BMP2K: variants seen among roughly 807,000 people sequenced by gnomAD.
The protein encoded by BMP2K is BMP-2-inducible protein kinase.
A neutral mutation model predicts 116.0 loss-of-function variants in BMP2K; 74 were observed. The ratio of observed to expected loss-of-function variants is 0.64; its 90% CI spans 0.53 to 0.77. The LOEUF is 0.77. Among genes scored for constraint, BMP2K ranks in the 30% least tolerant of loss-of-function variants. The pLI is 0.00. For synonymous variants in BMP2K, 486 were observed against 502.5 expected, an observed-to-expected ratio of 0.97 and a Z score of 0.44; for missense variants, 1,365 against 1,403.6, an observed-to-expected ratio of 0.97 and a Z score of 0.44.
At chr4:78,782,238 T>A (rs1727537771) in intron 1 of BMP2K, among the ~76,000 whole-genome samples, 1 of 152,204 alleles carries the variant, frequency 6.6e-6, no homozygotes, top group South Asian at 2.1e-4. Context: ...CTATTTGCTT[T>A]TTTCCCTCTT....
Position 78,833,585 on chromosome 4 carries a change from G to A in BMP2K, c.301G>A (p.Glu101Lys), listed in dbSNP as rs772459543. 1.9e-6 allele frequency: 3 copies of A among 1,574,306 alleles called. No homozygotes were observed. Among genetic ancestry groups the A allele is most frequent in the East Asian group, 2.3e-5 (1 of 43,662 alleles). ...TCATTTTTTTTTTTCTTTCCAGAAA[G>A]AGCTATCTGGTCACAAAAATATTGT... ...VCKREITIMK[E>K]LSGHKNIVGY... The change falls in exon 3 of 16, where the codon GAG (glutamate) becomes AAG (lysine). Residue 101 changes from glutamate to lysine, a missense_variant. Physicochemically the swap from Glu to Lys is moderately conservative, Grantham distance 56. Around this residue, in one of 3 missense-constraint regions of BMP2K, gnomAD observed 762 missense variants for 756.7 expected, o/e 1.01. Coordinates refer to ENST00000502613, the MANE Select transcript of BMP2K (RefSeq NM_198892.2).
At position 78,871,881 on chromosome 4, in the gene BMP2K, T is replaced by C; in HGVS notation, c.1541T>C (p.Leu514Pro). The change falls in exon 12 of 16, where the codon CTT becomes CCT. Residue 514 changes from leucine (L) to proline (P), a missense_variant. Around this residue, in one of 3 missense-constraint regions of BMP2K, gnomAD observed 762 missense variants for 756.7 expected, o/e 1.01. Transcript: ENST00000502613. ...YQHATQQQQM[L>P]QQQFLMHSVY... ...CATGCAACACAGCAGCAACAGATGCTTCAACAACAATTTTTAATGCATTCG... is the reference window on the plus strand; with the variant it reads ...CATGCAACACAGCAGCAACAGATGCCTCAACAACAATTTTTAATGCATTCG... 1 of 1,613,200 alleles carries C rather than the reference T, an allele frequency of 6.2e-7. No homozygotes were observed. Among genetic ancestry groups the C allele is most frequent in the East Asian group, 2.2e-5 (1 of 44,768 alleles).
intron 2 of BMP2K, among the ~76,000 whole-genome samples, chr4:78,830,444 C>T (rs1013159315): frequency 1.3e-5 from 2 of 152,190 alleles, no homozygotes; most frequent in African/African-American, 4.8e-5. Flanking sequence ...TTGGTTTCAA[C>T]TTAAAGTCAC....
At chr4:78,840,788 G>T (rs1315023697) in intron 3 of BMP2K, among the ~76,000 whole-genome samples, 1 of 152,048 alleles carries the variant, frequency 6.6e-6, no homozygotes, top group African/African-American at 2.4e-5. Flanking sequence ...AAGGTCTCTG[G>T]ACAGAAGAAA....
intron 14 of BMP2K, among the ~76,000 whole-genome samples, chr4:78,884,635 C>T (rs1036842834): frequency 6.6e-6 from 1 of 152,210 alleles, no homozygotes; most frequent in Non-Finnish European, 1.5e-5. Context: ...CCTCTTTTCT[C>T]TGTCCTCAGT....
chr4:78,854,299 T>C (rs1346115473), intron 7 of BMP2K, among the ~76,000 whole-genome samples: 2 of 151,464 alleles, frequency 1.3e-5, no homozygotes, highest in Non-Finnish European at 2.9e-5. Flanking sequence ...TTTAAGACCA[T>C]GTCTCACTCT....
intron 1 of BMP2K, among the ~76,000 whole-genome samples, chr4:78,824,155 C>T (rs900043427): frequency 2.0e-5 from 3 of 152,088 alleles, no homozygotes; most frequent in African/African-American, 4.8e-5. Flanking sequence ...TAACACTATA[C>T]ATGTGGAAAT....
intron 15 of BMP2K, among the ~76,000 whole-genome samples, chr4:78,906,530 T>C (rs1560557218): frequency 6.6e-6 from 1 of 152,168 alleles, no homozygotes; most frequent in East Asian, 1.9e-4. Context: ...TTCTCAAATA[T>C]AGCTGTCTAA....
At chr4:78,781,219 A>G (rs1468146745) in intron 1 of BMP2K, among the ~76,000 whole-genome samples, 1 of 152,198 alleles carries the variant, frequency 6.6e-6, no homozygotes, top group African/African-American at 2.4e-5. Context: ...GGGCAGTGAC[A>G]TGCTCTGATT....
In BMP2K at chr4:78,861,473, G is replaced by A; in HGVS notation, c.1067+5G>A. ...GAAAAGCCAAATAAAAGCCAGGTAG[G>A]CAAAACTATGCTGAAATTGAAAAGG... On this transcript the variant is annotated splice_donor_5th_base_variant and intron_variant, in intron 9 of 15. Coordinates refer to ENST00000502613, the MANE Select transcript of BMP2K (RefSeq NM_198892.2). 6.3e-7 allele frequency: 1 copy of A among 1,598,016 alleles called. No individual in the cohort carries two copies. The highest frequency in any genetic ancestry group is 8.6e-7 in the Non-Finnish European group (1 of 1,168,198).
Position 78,872,726 on chromosome 4 carries a change from C to G in BMP2K, c.1721C>G (p.Ala574Gly), listed in dbSNP as rs767020611. The stretch of plus-strand genomic sequence containing the variant: ...ACCTCCCCTCAAGAGTTCTCACCAG[C>G]CTTAGTTTCCTACACTTCATCACTT... ...YLTSPQEFSP[A>G]LVSYTSSLPA... Residue 574 changes from alanine to glycine, a missense_variant, in exon 13 of 16, where the codon GCC becomes GGC. This residue lies in a region of BMP2K where 762 missense variants were observed against 756.7 expected (regional missense o/e 1.01). Transcript: ENST00000502613. The G allele has an allele frequency of 1.2e-6, 2 of 1,614,030 alleles. No individual in the cohort carries two copies. Among genetic ancestry groups the G allele is most frequent in the Non-Finnish European group, 1.7e-6 (2 of 1,180,006 alleles).
At chr4:78,897,428 G>T (rs1733760487) in intron 15 of BMP2K, among the ~76,000 whole-genome samples, 1 of 151,548 alleles carries the variant, frequency 6.6e-6, no homozygotes, top group Non-Finnish European at 1.5e-5. Context: ...GTACAAATGT[G>T]TCTCTGCTAT....
At chr4:78,896,643 CTA>C (rs1318967162) in intron 15 of BMP2K, among the ~76,000 whole-genome samples, 2 of 152,128 alleles carry the variant, frequency 1.3e-5, no homozygotes, top group East Asian at 3.8e-4. Context: ...AACTATGAGA[CTA>C]ATATGTCTAC....
intron 9 of BMP2K, among the ~76,000 whole-genome samples, chr4:78,863,174 T>C (rs547616414): frequency 5.4e-4 from 82 of 152,262 alleles, no homozygotes; most frequent in African/African-American, 1.9e-3. Flanking sequence ...GAACATTATG[T>C]ATATTAAAAA....
At chr4:78,835,950 G>A (rs1299764431) in intron 3 of BMP2K, among the ~76,000 whole-genome samples, 1 of 151,510 alleles carries the variant, frequency 6.6e-6, no homozygotes, top group Non-Finnish European at 1.5e-5. Context: ...TTTACTTCTA[G>A]TATAGATATT....
chr4:78,777,216 G>A (rs934608252), intron 1 of BMP2K, among the ~76,000 whole-genome samples: 3 of 152,170 alleles, frequency 2.0e-5, no homozygotes, highest in Non-Finnish European at 2.9e-5. Flanking sequence ...ATGTATTTGT[G>A]TGCATGTGTG....
intron 5 of BMP2K, among the ~76,000 whole-genome samples, chr4:78,845,466 A>G (rs17003465): frequency 0.064 from 9,769 of 151,708 alleles, 432 homozygotes; most frequent in East Asian, 0.22. Flanking sequence ...TTATGCATTG[A>G]AAACTGTGTA....
intron 1 of BMP2K, among the ~76,000 whole-genome samples, chr4:78,794,387 CT>C (rs1311630181): frequency 6.6e-6 from 1 of 152,030 alleles, no homozygotes; most frequent in Non-Finnish European, 1.5e-5. Context: ...ACATATAAGA[CT>C]GTTTCTGTGG....
chr4:78,788,196 C>T (rs1727822073), intron 1 of BMP2K, among the ~76,000 whole-genome samples: 2 of 151,112 alleles, frequency 1.3e-5, no homozygotes, highest in African/African-American at 4.9e-5. Flanking sequence ...TTTATACAGG[C>T]ACAGAAAAAA....
Sources: gnomAD v4.1 joint callset for allele counts (sites outside exome capture counted in the v4.1 genomes callset) on GRCh38, gnomAD v4.1.1 for gene constraint, gnomAD v4.1.1 regional missense constraint, MANE v1.5 for transcripts, NCBI Gene and HGNC (gene_info 2026-07-23, HGNC 2026-07-21) for gene names.